The following UBASH3A variants were observed in gnomAD, a reference collection of about 807,000 sequenced individuals.
UBASH3A encodes the protein ubiquitin associated and SH3 domain containing A.
A neutral mutation model predicts 73.5 loss-of-function variants in UBASH3A; 63 were observed. The ratio of observed to expected loss-of-function variants is 0.86; its 90% CI spans 0.70 to 1.06. UBASH3A has a LOEUF of 1.06. Among genes scored for constraint, UBASH3A ranks in the 50% least tolerant of loss-of-function variants. The pLI is 0.00. For synonymous variants in UBASH3A, 363 were observed against 351.1 expected (o/e 1.03, Z -0.38); for missense variants, 860 against 859.0 (o/e 1.00, Z -0.02).
chr21:42,436,277 A>G (rs1439499914), intron 10 of UBASH3A, among the ~76,000 whole-genome samples: 1 of 152,200 alleles, frequency 6.6e-6, no homozygotes, highest in Non-Finnish European at 1.5e-5. Context: ...AGAGTTAGTT[A>G]TAGAGCTATA....
intron 5 of UBASH3A, among the ~76,000 whole-genome samples, chr21:42,414,156 CGAG>C (rs1057321486): frequency 1.3e-5 from 2 of 152,156 alleles, no homozygotes; most frequent in Admixed American, 6.5e-5. Flanking sequence ...TAAAATCTGA[CGAG>C]GCCGCAGTGC....
intron 1 of UBASH3A, 45 bp downstream of exon 1, chr21:42,404,103 T>TG: frequency 8.7e-7 from 1 of 1,152,050 alleles, no homozygotes. Flanking sequence ...GTAAGGCTGG[T>TG]GCCAGACCCT....
chr21:42,426,387 A>T (rs1028881449), intron 7 of UBASH3A, among the ~76,000 whole-genome samples: 1 of 152,244 alleles, frequency 6.6e-6, no homozygotes, highest in Non-Finnish European at 1.5e-5. Flanking sequence ...TGTTAATCTC[A>T]TTCTAAAAAA....
intron 2 of UBASH3A, among the ~76,000 whole-genome samples, chr21:42,406,632 CAAG>C (rs1384285618): frequency 1.3e-5 from 2 of 152,174 alleles, no homozygotes; most frequent in Non-Finnish European, 2.9e-5. Flanking sequence ...ATTTGACTGC[CAAG>C]AAGAACAGGT....
Position 42,444,582 on chromosome 21 carries a change from C to T in UBASH3A, c.1787C>T (p.Thr596Met), listed in dbSNP as rs776020148. Residue 596 changes from threonine to methionine, a missense_variant, in exon 14 of 15, where the codon ACG becomes ATG. Physicochemically the swap from Thr to Met is moderately conservative, Grantham distance 81. Coordinates refer to ENST00000319294, the MANE Select transcript of UBASH3A (RefSeq NM_018961.4). ...CACGGCTCCACTCTGGACTCCTGCACGCGGCCACTGCTCGGGCTGCCGCCC... is the reference window on the plus strand; with the variant it reads ...CACGGCTCCACTCTGGACTCCTGCATGCGGCCACTGCTCGGGCTGCCGCCC... ...VSHGSTLDSC[T>M]RPLLGLPPRE... 2.5e-5 allele frequency: 41 copies of T among 1,614,030 alleles called. No homozygotes were observed. The highest frequency in any genetic ancestry group is 6.6e-5 in the South Asian group (6 of 91,094).
At chr21:42,438,638 G>T (rs1017410351) in intron 11 of UBASH3A, among the ~76,000 whole-genome samples, 1 of 152,148 alleles carries the variant, frequency 6.6e-6, no homozygotes, top group East Asian at 1.9e-4. Flanking sequence ...CATAGTGAGG[G>T]GGTGACCGTG....
At chr21:42,437,410 C>T in intron 10 of UBASH3A, 78 bp from the exon 11 acceptor site, 1 of 1,367,216 alleles carries the variant, frequency 7.3e-7, no homozygotes, top group Non-Finnish European at 1.0e-6. Flanking sequence ...CTGCCTACCA[C>T]AGGGAGCACA....
chr21:42,427,457 T>A (rs2053457603), intron 8 of UBASH3A, among the ~76,000 whole-genome samples: 1 of 152,176 alleles, frequency 6.6e-6, no homozygotes, highest in Non-Finnish European at 1.5e-5. Context: ...TGCCTCTCTG[T>A]CCTTGTTCTT....
intron 1 of UBASH3A, among the ~76,000 whole-genome samples, chr21:42,404,595 T>C (rs2052931546): frequency 6.6e-6 from 1 of 152,084 alleles, no homozygotes; most frequent in Non-Finnish European, 1.5e-5. Context: ...CTGGTTGTAA[T>C]CTCTTTGTGT....
intron 7 of UBASH3A, among the ~76,000 whole-genome samples, chr21:42,423,555 A>C (rs560165063): frequency 6.6e-6 from 1 of 152,312 alleles, no homozygotes; most frequent in South Asian, 2.1e-4. Flanking sequence ...GCCCCGCATC[A>C]TTTAGCATGT....
At chr21:42,442,350 T>G in intron 11 of UBASH3A, 102 bp from the exon 12 acceptor site, 2 of 1,196,932 alleles carry the variant, frequency 1.7e-6, no homozygotes, top group African/African-American at 3.0e-5. Flanking sequence ...AAGGCATGAT[T>G]TAGACGTGTG....
intron 6 of UBASH3A, among the ~76,000 whole-genome samples, chr21:42,418,032 C>T (rs550408114): frequency 1.8e-4 from 28 of 151,730 alleles, no homozygotes; most frequent in African/African-American, 6.0e-4. Flanking sequence ...TACAGGCACC[C>T]GCCACCATGT....
At chr21:42,433,978 C>T (rs552758128) in intron 9 of UBASH3A, among the ~76,000 whole-genome samples, 156 of 152,204 alleles carry the variant, frequency 1.0e-3, no homozygotes, top group African/African-American at 3.7e-3. Context: ...AACCAGGAGG[C>T]TTGGGGTCCC....
Position 42,418,487 on chromosome 21 carries a change from G to C in UBASH3A, c.924G>C (p.Thr308=). The C allele has an allele frequency of 6.2e-7, 1 of 1,614,256 alleles. No homozygotes were observed. The highest frequency in any genetic ancestry group is 8.5e-7 in the Non-Finnish European group (1 of 1,180,048). The change falls in exon 7 of 15, where the codon ACG becomes ACC. Residue 308 remains threonine (T), a synonymous_variant. Transcript: ENST00000319294. ...SPGDYIFVDP[T]QQDEASEGWV... ...GTGACTACATCTTTGTGGACCCCAC[G>C]CAGCAGGACGAAGCCAGCGAGGGCT...
intron 3 of UBASH3A, chr21:42,409,996 A>G: frequency 1.5e-6 from 1 of 685,994 alleles, no homozygotes; most frequent in Middle Eastern, 2.3e-4. Context: ...TCATCTTTGC[A>G]CCCCCAGAAA....
At chr21:42,405,409 C>T (rs992280791) in intron 1 of UBASH3A, among the ~76,000 whole-genome samples, 2 of 152,130 alleles carry the variant, frequency 1.3e-5, no homozygotes, top group African/African-American at 2.4e-5. Flanking sequence ...TACTACTAAA[C>T]GTATAGCATG....
At chr21:42,425,029 C>T (rs948534415) in intron 7 of UBASH3A, among the ~76,000 whole-genome samples, 7 of 152,224 alleles carry the variant, frequency 4.6e-5, no homozygotes, top group African/African-American at 1.4e-4. Context: ...ATGAGGGCAT[C>T]TGTGGCTGTC....
chr21:42,409,821 C>A (rs918761650), intron 3 of UBASH3A, among the ~76,000 whole-genome samples: 4 of 152,130 alleles, frequency 2.6e-5, no homozygotes, highest in Non-Finnish European at 4.4e-5. Flanking sequence ...CTCATTTATC[C>A]TCTCCCCTTT....
Position 42,418,559 on chromosome 21 carries a change from G to T in UBASH3A, c.996G>T (p.Pro332=). ...GGACGGGCTGCCGGGGCTTCCTGCCGGAAAACTACACGGATCGAGCCAGTG... is the reference window on the plus strand; with the variant it reads ...GGACGGGCTGCCGGGGCTTCCTGCCTGAAAACTACACGGATCGAGCCAGTG... The part of the protein sequence containing the change: ...SQRTGCRGFL[P]ENYTDRASES... Residue 332 remains proline (P), a synonymous_variant, in exon 7 of 15, where the codon CCG becomes CCT. Coordinates refer to ENST00000319294, the MANE Select transcript of UBASH3A (RefSeq NM_018961.4). The T allele has an allele frequency of 6.2e-7, 1 of 1,614,170 alleles. No individual in the cohort carries two copies. Among genetic ancestry groups the T allele is most frequent in the Non-Finnish European group, 8.5e-7 (1 of 1,180,032 alleles).
Sources: allele counts gnomAD v4.1 joint callset (sites outside exome capture counted in the v4.1 genomes callset), GRCh38; gene constraint gnomAD v4.1.1; transcripts MANE v1.5; gene names NCBI Gene and HGNC (gene_info 2026-07-23, HGNC 2026-07-21).